The following MEP1B variants were observed in gnomAD, a reference collection of about 807,000 sequenced individuals.
MEP1B encodes meprin A subunit beta, also known as N-benzoyl-L-tyrosyl-P-amino-benzoic acid hydrolase subunit beta.
In MEP1B, 80 loss-of-function variants were observed where a neutral mutation model predicts 84.6. The observed-to-expected ratio is 0.95, with a 90% CI of 0.79 to 1.14. The LOEUF (loss-of-function observed/expected upper bound fraction) is 1.14, where lower values mean the gene tolerates loss of function less well. Among genes scored for constraint, MEP1B ranks in the 50% most tolerant of loss-of-function variants. MEP1B has a pLI of 0.00. For missense variants in MEP1B, 766 were observed against 855.1 expected (o/e 0.90, Z 1.30); for synonymous variants, 273 against 288.1 (o/e 0.95, Z 0.53).
chr18:32,204,331 T>TCA lies in MEP1B; in HGVS notation c.519_520dup (p.Arg174ThrfsTer3). 1 of 1,599,732 alleles carries TCA rather than the reference T, an allele frequency of 6.3e-7. No homozygotes were observed. Among genetic ancestry groups the TCA allele is most frequent in the Non-Finnish European group, 8.5e-7 (1 of 1,173,302 alleles). The stretch of plus-strand genomic sequence containing the variant: ...TCGCGTTCTGACCGGGATGACTATG[T>TCA]CAGGATAATGTGGGACAGAATTCTG... On this transcript the variant is annotated frameshift_variant, in exon 7 of 15. Transcript: ENST00000269202. LOFTEE classifies it high-confidence loss of function.
In MEP1B at chr18:32,204,285, C is replaced by T. The variant is rs1429924056; in HGVS notation, c.472C>T (p.Leu158=). The T allele has an allele frequency of 6.2e-7, 1 of 1,603,756 alleles. No homozygotes were observed. The highest frequency in any genetic ancestry group is 8.5e-7 in the Non-Finnish European group (1 of 1,175,488). ...AGTTCAACACGAGTTCCTCCACGCT[C>T]TGGGATTCTGGCATGAGCAGTCGCG... is the stretch of plus-strand genomic sequence containing the variant. ...ATVQHEFLHA[L]GFWHEQSRSD... The change falls in exon 7 of 15, where the codon CTG becomes TTG. Residue 158 remains leucine (L), a synonymous_variant. Transcript: ENST00000269202.
chr18:32,217,903 T>A lies in MEP1B; in HGVS notation c.2029T>A (p.Cys677Ser), dbSNP rs535983723. 68 of 1,613,874 alleles carry A rather than the reference T, an allele frequency of 4.2e-5. 1 individual carries two copies. The Middle Eastern group carries it at 1.6e-3, about 39-fold the overall frequency. Reference protein sequence around the residue: ...MLIITLVSVYCTRKKYRERMS... With the variant: ...MLIITLVSVYSTRKKYRERMS... Reference sequence around the variant, plus strand: ...GATCATCACCCTTGTCAGTGTCTATTGCACCAGGAAGAAATATCGTGAAAG... The same window carrying A: ...GATCATCACCCTTGTCAGTGTCTATAGCACCAGGAAGAAATATCGTGAAAG... The change falls in exon 14 of 15, where the codon TGC (cysteine) becomes AGC (serine). Residue 677 changes from cysteine to serine, a missense_variant. Transcript: ENST00000269202.
chr18:32,207,976 T>C, intron 8 of MEP1B, 143 bp from the exon 9 acceptor site: 1 of 761,378 alleles, frequency 1.3e-6, no homozygotes, highest in Non-Finnish European at 2.1e-6. Flanking sequence ...TAAAGAGGGA[T>C]CTTTAAGCCA....
chr18:32,205,487 C>T (rs1251190904), intron 7 of MEP1B, among the ~76,000 whole-genome samples: 1 of 152,176 alleles, frequency 6.6e-6, no homozygotes, highest in Non-Finnish European at 1.5e-5. Context: ...TCTTTATCCC[C>T]CGACTCTGCT....
chr18:32,210,789 C>A, intron 10 of MEP1B, 73 bp downstream of exon 10: 1 of 1,210,918 alleles, frequency 8.3e-7, no homozygotes, highest in Non-Finnish European at 1.2e-6. Context: ...GTTAATGCAA[C>A]AATTTACAAT....
intron 10 of MEP1B, 135 bp downstream of exon 10, chr18:32,210,851 T>C (rs1179819322): frequency 4.2e-6 from 3 of 709,932 alleles, no homozygotes; most frequent in African/African-American, 3.6e-5. Flanking sequence ...AGATTCTTGT[T>C]TTAAGCTGTG....
chr18:32,206,697 C>T (rs1015337579), intron 7 of MEP1B, among the ~76,000 whole-genome samples: 3 of 152,044 alleles, frequency 2.0e-5, no homozygotes, highest in Admixed American at 1.3e-4. Context: ...CTGCAACCTC[C>T]GCCTCCTGGG....
intron 1 of MEP1B, 52 bp downstream of exon 1, chr18:32,190,185 T>C: frequency 1.5e-6 from 2 of 1,321,008 alleles, no homozygotes; most frequent in East Asian, 2.3e-5. Flanking sequence ...GCAGTTGATA[T>C]TGATTGTTAA....
At position 32,195,700 on chromosome 18, in the gene MEP1B, C is replaced by A. The variant is rs182261902; in HGVS notation, c.250+215C>A. On this transcript the variant is annotated intron_variant, in intron 5 of 14. Coordinates refer to ENST00000269202, the MANE Select transcript of MEP1B (RefSeq NM_005925.3). ...TCTGAAATATTTACAGTGTCTTGAC[C>A]AACAAAGCAATGAGTTCAACCAACG... is the stretch of plus-strand genomic sequence containing the variant. Among the ~76,000 whole-genome samples, 10 of 152,188 alleles carry A rather than the reference C, an allele frequency of 6.6e-5. No homozygotes were observed. The East Asian group carries it at 1.9e-3, about 29-fold the overall frequency.
intron 3 of MEP1B, 42 bp downstream of exon 3, chr18:32,192,732 T>C: frequency 6.2e-7 from 1 of 1,611,788 alleles, no homozygotes; most frequent in South Asian, 1.1e-5. Context: ...GTAGAGAGTT[T>C]GAATCCAATT....
At chr18:32,206,685 C>G (rs2040968373) in intron 7 of MEP1B, among the ~76,000 whole-genome samples, 1 of 152,098 alleles carries the variant, frequency 6.6e-6, no homozygotes, top group Admixed American at 6.5e-5. Flanking sequence ...AATCTTGGCT[C>G]ACTGCAACCT....
chr18:32,216,160 C>G (rs2041087795), intron 12 of MEP1B, among the ~76,000 whole-genome samples: 1 of 151,794 alleles, frequency 6.6e-6, no homozygotes, highest in Non-Finnish European at 1.5e-5. Flanking sequence ...TATTAAAGAC[C>G]CACTTGGATC....
chr18:32,192,900 T>A (rs1293904884), intron 4 of MEP1B, 83 bp downstream of exon 4: 5 of 1,091,826 alleles, frequency 4.6e-6, no homozygotes, highest in Non-Finnish European at 6.9e-6. Context: ...TTAGACAGCA[T>A]GAACTTTGTT....
intron 13 of MEP1B, 102 bp downstream of exon 13, chr18:32,217,219 G>T: frequency 7.6e-7 from 1 of 1,318,658 alleles, no homozygotes; most frequent in Non-Finnish European, 1.0e-6. Context: ...GAAATCAGTT[G>T]ATTCTCATCT....
In MEP1B at chr18:32,196,816, G is replaced by T; in HGVS notation, c.250+1331G>T. ...ATGCCCATCACCCGCACGCTCATCA[G>T]CACTGCCTTCTGCTGGCTTCTCAGG... On this transcript the variant is annotated intron_variant, in intron 5 of 14. Transcript: ENST00000269202. This position sits in a 1 kb window ranked among gnomAD's most constrained non-coding sequence, Gnocchi z 4.4. 1.6e-6 allele frequency: 1 copy of T among 627,790 alleles called. No homozygotes were observed. The allele number at this position is 627,790 out of a possible 1,614,324, so 38.9% of individuals were successfully genotyped here.
chr18:32,207,492 A>T, intron 8 of MEP1B, 22 bp downstream of exon 8: 1 of 1,523,804 alleles, frequency 6.6e-7, no homozygotes, highest in Non-Finnish European at 9.0e-7. Context: ...GTTCTTTGAA[A>T]TGACTTATAT....
At position 32,195,489 on chromosome 18, in the gene MEP1B, A is replaced by C. The variant is rs771477131; in HGVS notation, c.250+4A>C. 2 of 1,572,186 alleles carry C rather than the reference A, an allele frequency of 1.3e-6. No homozygotes were observed. Among genetic ancestry groups the C allele is most frequent in the African/African-American group, 2.7e-5 (2 of 73,980 alleles). On this transcript the variant is annotated splice_donor_region_variant and intron_variant, in intron 5 of 14. Coordinates refer to ENST00000269202, the MANE Select transcript of MEP1B (RefSeq NM_005925.3). ...TATGTTCTAGAAGATAGCTTGGGTT[A>C]GTATGCACCTTGAAGTATCCATAAC...
At chr18:32,199,126 GAA>G (rs1372307106) in intron 5 of MEP1B, among the ~76,000 whole-genome samples, 1 of 152,182 alleles carries the variant, frequency 6.6e-6, no homozygotes, top group Non-Finnish European at 1.5e-5. Flanking sequence ...TGCAGAATTT[GAA>G]ATGCATCAGA....
At chr18:32,206,356 T>G (rs993244893) in intron 7 of MEP1B, among the ~76,000 whole-genome samples, 1 of 152,060 alleles carries the variant, frequency 6.6e-6, no homozygotes, top group Non-Finnish European at 1.5e-5. Flanking sequence ...GCCTTCTTAC[T>G]TCCATCTCCA....
Sources: gnomAD v4.1 joint callset for allele counts (sites outside exome capture counted in the v4.1 genomes callset) on GRCh38, gnomAD v4.1.1 for gene constraint, Gnocchi (gnomAD v3.1) non-coding constraint, MANE v1.5 for transcripts, NCBI Gene and HGNC (gene_info 2026-07-23, HGNC 2026-07-21) for gene names.